TYRO3: variants seen among roughly 807,000 people sequenced by gnomAD.
TYRO3 encodes the protein tyrosine-protein kinase receptor TYRO3.
A neutral mutation model predicts 95.2 loss-of-function variants in TYRO3; 38 were observed. That is an observed-to-expected ratio of 0.40 (90% CI 0.31 to 0.52). The LOEUF (loss-of-function observed/expected upper bound fraction) is 0.52. TYRO3 is among the 20% of genes least tolerant of loss of function. TYRO3 has a pLI of 0.56. For missense variants in TYRO3, 812 were observed against 1,116.4 expected (o/e 0.73, Z 3.89); for synonymous variants, 367 against 432.9 (o/e 0.85, Z 1.89).
intron 5 of TYRO3, 87 bp from the exon 6 acceptor site, chr15:41,564,939 C>G (rs74715543): frequency 0.035 from 30,944 of 874,042 alleles, 707 homozygotes; most frequent in Middle Eastern, 0.048. Flanking sequence ...CCTGGACCCT[C>G]AGAGAGACTC....
Position 41,578,597 on chromosome 15 carries a change from G to A in TYRO3, c.*321G>A. The A allele has an allele frequency of 2.3e-6, 1 of 427,290 alleles. No individual in the cohort carries two copies. Among genetic ancestry groups the A allele is most frequent in the Non-Finnish European group, 4.2e-6 (1 of 236,724 alleles). 26.5% of individuals were successfully genotyped at this position (427,290 alleles called of 1,614,324 possible). ...CCATGGGTGTGGATGGCAGTGTGGG[G>A]AGGGCAGGTCCAGCTCTGTGGGCCC... On this transcript the variant is annotated 3_prime_UTR_variant, in exon 19 of 19. Coordinates refer to ENST00000263798, the MANE Select transcript of TYRO3 (RefSeq NM_006293.4).
At position 41,559,282 on chromosome 15, in the gene TYRO3, C is replaced by T; in HGVS notation, c.25C>T (p.Arg9Trp). 1 of 510,314 alleles carries T rather than the reference C, an allele frequency of 2.0e-6. No individual in the cohort carries two copies. 31.6% of individuals were successfully genotyped at this position (510,314 alleles called of 1,614,324 possible). MALRRSMG[R>W]PGLPPLPLPP... Reference sequence around the variant, plus strand: ...GATGGCGCTGAGGCGGAGCATGGGGCGGCCGGGGCTCCCGCCGCTGCCGCT... The same window carrying T: ...GATGGCGCTGAGGCGGAGCATGGGGTGGCCGGGGCTCCCGCCGCTGCCGCT... Residue 9 changes from arginine (R) to tryptophan (W), a missense_variant, in exon 1 of 19, where the codon CGG (arginine) becomes TGG (tryptophan). By Grantham distance (101) the Arg-to-Trp change is moderately radical (BLOSUM62 -3). Transcript: ENST00000263798.
chr15:41,560,401 G>T (rs2055632933), intron 1 of TYRO3, among the ~76,000 whole-genome samples: 1 of 135,482 alleles, frequency 7.4e-6, no homozygotes, highest in African/African-American at 3.0e-5. Flanking sequence ...GTATGTGTGT[G>T]TGTGTGTGTG....
chr15:41,579,710 G>T lies in TYRO3; in HGVS notation c.*1434G>T, dbSNP rs10438299. 78,198 of 151,098 alleles carry T rather than the reference G, an allele frequency of 0.52. 21,227 individuals carry two copies. The highest frequency in any genetic ancestry group is 0.61 in the Middle Eastern group (178 of 292). 9.4% of individuals were successfully genotyped at this position (151,098 alleles called of 1,614,324 possible). A position where few individuals can be genotyped will look rare whatever the true frequency, so the allele number is the denominator to read the frequency against. On this transcript the variant is annotated 3_prime_UTR_variant, in exon 19 of 19. Transcript: ENST00000263798. Reference sequence around the variant, plus strand: ...ATCACAAAGATGAAAGATTTTTATAGAGAGAAAAGTCTGGAAAGACATATG... The same window carrying T: ...ATCACAAAGATGAAAGATTTTTATATAGAGAAAAGTCTGGAAAGACATATG...
chr15:41,565,211 A>C (rs540961352), intron 6 of TYRO3, 70 bp downstream of exon 6: 12 of 966,294 alleles, frequency 1.2e-5, no homozygotes, highest in Admixed American at 5.5e-5. Flanking sequence ...GGGATATCAC[A>C]CTCACTAGCC....
rs1331809199 is a variant in TYRO3, at chr15:41,578,551, G to T, written c.*275G>T. 3 of 523,856 alleles carry T rather than the reference G, an allele frequency of 5.7e-6. No homozygotes were observed. The highest frequency in any genetic ancestry group is 5.1e-4 in the Middle Eastern group (1 of 1,960). 32.5% of individuals were successfully genotyped at this position (523,856 alleles called of 1,614,324 possible). A position where few individuals can be genotyped will look rare whatever the true frequency, so the allele number is the denominator to read the frequency against. Reference sequence around the variant, plus strand: ...AACCCAGGCAGCTGGCAGGAGTGGGGTGGTTATGTTTCCATGGTTACCATG... The same window carrying T: ...AACCCAGGCAGCTGGCAGGAGTGGGTTGGTTATGTTTCCATGGTTACCATG... On this transcript the variant is annotated 3_prime_UTR_variant, in exon 19 of 19. Coordinates refer to ENST00000263798, the MANE Select transcript of TYRO3 (RefSeq NM_006293.4).
intron 1 of TYRO3, among the ~76,000 whole-genome samples, chr15:41,559,774 G>T (rs2052140083): frequency 6.6e-6 from 1 of 152,246 alleles, no homozygotes; most frequent in South Asian, 2.1e-4. Flanking sequence ...CACGGGCCGG[G>T]GCTGGGCACC....
rs1026573690 is a variant in TYRO3, at chr15:41,581,401, G to C, written c.*3125G>C. The stretch of plus-strand genomic sequence containing the variant: ...CCTGTTGCTGGTACTCCAAATTCTG[G>C]TTCCCATGTAGATCATGAAACCTGA... On this transcript the variant is annotated 3_prime_UTR_variant, in exon 19 of 19. Coordinates refer to ENST00000263798, the MANE Select transcript of TYRO3 (RefSeq NM_006293.4). 1 of 153,212 alleles carries C rather than the reference G, an allele frequency of 6.5e-6. No homozygotes were observed. The highest frequency in any genetic ancestry group is 2.4e-5 in the African/African-American group (1 of 41,398). 9.5% of individuals were successfully genotyped at this position (153,212 alleles called of 1,614,324 possible).
At chr15:41,572,814 G>C (rs1194713250) in intron 15 of TYRO3, among the ~76,000 whole-genome samples, 188 bp from the exon 16 acceptor site, 2 of 152,220 alleles carry the variant, frequency 1.3e-5, no homozygotes, top group Admixed American at 1.3e-4. Context: ...CAGGGTGGGG[G>C]AGTCTCGTCT....
In TYRO3 at chr15:41,559,306, C is replaced by A; in HGVS notation, c.49C>A (p.Leu17Met). The A allele has an allele frequency of 1.5e-6, 1 of 645,186 alleles. No homozygotes were observed. The highest frequency in any genetic ancestry group is 2.2e-6 in the Non-Finnish European group (1 of 459,164). The allele number at this position is 645,186 out of a possible 1,614,324, so 40.0% of individuals were successfully genotyped here. A position where few individuals can be genotyped will look rare whatever the true frequency, so the allele number is the denominator to read the frequency against. Residue 17 changes from leucine (L) to methionine (M), a missense_variant, in exon 1 of 19, where the codon CTG (leucine) becomes ATG (methionine). By Grantham distance (15) the Leu-to-Met change is conservative. Transcript: ENST00000263798. ...GCGGCCGGGGCTCCCGCCGCTGCCG[C>A]TGCCGCCGCCACCGCGGCTCGGGCT... ...MGRPGLPPLP[L>M]PPPPRLGLLL...
chr15:41,562,858 A>C (rs2055675847), intron 4 of TYRO3, 140 bp downstream of exon 4: 1 of 846,766 alleles, frequency 1.2e-6, no homozygotes, highest in South Asian at 1.8e-5. Context: ...GAGCTGCACC[A>C]TTACTAAGCT....
intron 11 of TYRO3, 27 bp downstream of exon 11, chr15:41,570,367 A>G (rs1401112543): frequency 7.3e-6 from 8 of 1,092,038 alleles, no homozygotes; most frequent in African/African-American, 1.5e-5. Context: ...CGTGGGAAGG[A>G]CAAATGGGCT....
chr15:41,562,738 G>A lies in TYRO3; in HGVS notation c.580+20G>A, dbSNP rs573908040. 11 of 1,595,046 alleles carry A rather than the reference G, an allele frequency of 6.9e-6. No homozygotes were observed. The highest frequency in any genetic ancestry group is 4.5e-5 in the South Asian group (4 of 88,650). ...TAACAGGTGAGCAGCCTCAGAAGGG[G>A]GCTGGGAGTGGAGAAGGAGCTGGGT... is the stretch of plus-strand genomic sequence containing the variant. On this transcript the variant is annotated intron_variant, in intron 4 of 18. Transcript: ENST00000263798.
chr15:41,568,985 G>C lies in TYRO3; in HGVS notation c.1215G>C (p.Trp405Cys). Residue 405 changes from tryptophan to cysteine, a missense_variant, in exon 9 of 19, where the codon TGG becomes TGC. Coordinates refer to ENST00000263798, the MANE Select transcript of TYRO3 (RefSeq NM_006293.4). Reference sequence around the variant, plus strand: ...CCAATGCAGTTGGCTGTGGACCCTGGAGTCAGCCACTGGTGGTCTCTTCTC... The same window carrying C: ...CCAATGCAGTTGGCTGTGGACCCTGCAGTCAGCCACTGGTGGTCTCTTCTC... ...CVSNAVGCGP[W>C]SQPLVVSSHD... 1 of 1,614,164 alleles carries C rather than the reference G, an allele frequency of 6.2e-7. No homozygotes were observed. The highest frequency in any genetic ancestry group is 8.5e-7 in the Non-Finnish European group (1 of 1,180,028).
rs1566902022 is a variant in TYRO3 at position 41,570,699 on chromosome 15, G to A, written c.1579G>A (p.Gly527Arg). ...CACCCTGGGCCGGATGTTGGGCAAA[G>A]GTATGTGAGGCTGTGTGGGGATGGG... ...QFTLGRMLGK[G>R]EFGSVREAQL... is the part of the protein sequence containing the mutation. The change falls in exon 12 of 19, where the codon GGA becomes AGA. Residue 527 changes from glycine to arginine, a missense_variant and splice_region_variant. Transcript: ENST00000263798. The A allele has an allele frequency of 1.9e-6, 3 of 1,608,276 alleles. No individual in the cohort carries two copies. The South Asian group carries it at 3.3e-5, about 18-fold the overall frequency.
At chr15:41,571,164 A>C in intron 13 of TYRO3, 46 bp downstream of exon 13, 1 of 1,579,246 alleles carries the variant, frequency 6.3e-7, no homozygotes, top group Admixed American at 1.7e-5. Context: ...TTGGAAGGGT[A>C]AGAGGGGCGA....
chr15:41,578,295 C>G lies in TYRO3; in HGVS notation c.*19C>G. 4 of 1,612,764 alleles carry G rather than the reference C, an allele frequency of 2.5e-6. No homozygotes were observed. The highest frequency in any genetic ancestry group is 1.1e-5 in the South Asian group (1 of 90,980). On this transcript the variant is annotated 3_prime_UTR_variant, in exon 19 of 19. Transcript: ENST00000263798. ...CTGTTAGCCCACAGGCAGAGGGCAT[C>G]GGGGCCATTTGGCCGGCTCTGGTGG...
Position 41,562,641 on chromosome 15 carries a change from C to A in TYRO3, c.503C>A (p.Pro168His), listed in dbSNP as rs1437813237. The change falls in exon 4 of 19, where the codon CCT becomes CAT. Residue 168 changes from proline to histidine, a missense_variant. Transcript: ENST00000263798. Reference protein sequence around the residue: ...LSCEAVGPPEPVTIVWWRGTT... With the variant: ...LSCEAVGPPEHVTIVWWRGTT... ...TGTGAGGCTGTGGGTCCCCCTGAAC[C>A]TGTTACCATTGTCTGGTGGAGAGGA... 6.2e-7 allele frequency: 1 copy of A among 1,614,164 alleles called. No individual in the cohort carries two copies.
At chr15:41,570,834 G>T in intron 12 of TYRO3, 135 bp downstream of exon 12, 1 of 939,712 alleles carries the variant, frequency 1.1e-6, no homozygotes, top group East Asian at 2.5e-5. Context: ...CCTGAGTGTG[G>T]GATGTTTGTG....
Sources: allele counts gnomAD v4.1 joint callset (sites outside exome capture counted in the v4.1 genomes callset), GRCh38; gene constraint gnomAD v4.1.1; transcripts MANE v1.5; gene names NCBI Gene and HGNC (gene_info 2026-07-23, HGNC 2026-07-21).